Variants in PACS1 observed in about 807,000 individuals in gnomAD.
The protein encoded by PACS1 is PACS-1.
Under a neutral mutation model 115.0 loss-of-function variants are expected in PACS1, and 24 were observed. The observed-to-expected ratio is 0.21, with a 90% CI of 0.15 to 0.29. The LOEUF is 0.29. PACS1 is among the 10% of genes least tolerant of loss of function. The probability of loss-of-function intolerance (pLI) is 1.00; values close to 1 mark genes in which losing one functional copy is unlikely to be tolerated. For synonymous variants in PACS1, 453 were observed against 504.5 expected (o/e 0.90, Z 1.37); for missense variants, 838 against 1,251.2 (o/e 0.67, Z 4.98).
chr11:66,227,204 G>A (rs777668885), intron 10 of PACS1, among the ~76,000 whole-genome samples: 3 of 152,168 alleles, frequency 2.0e-5, no homozygotes, highest in Non-Finnish European at 4.4e-5. Context: ...CTTCATGGAT[G>A]CAATAGCAAA....
At chr11:66,184,721 G>A (rs941064538) in intron 1 of PACS1, among the ~76,000 whole-genome samples, 2 of 152,158 alleles carry the variant, frequency 1.3e-5, no homozygotes, top group Non-Finnish European at 2.9e-5. Flanking sequence ...GCACTGTCAC[G>A]TTTGTTGGTT....
intron 2 of PACS1, among the ~76,000 whole-genome samples, chr11:66,195,670 A>C (rs1196337302): frequency 1.3e-5 from 2 of 152,168 alleles, no homozygotes; most frequent in African/African-American, 4.8e-5. Flanking sequence ...AGCAGCTGAA[A>C]GTAATTACAG....
intron 1 of PACS1, among the ~76,000 whole-genome samples, chr11:66,162,872 T>C (rs1859524302): frequency 6.6e-6 from 1 of 152,232 alleles, no homozygotes; most frequent in Non-Finnish European, 1.5e-5. Flanking sequence ...AAGTCAAAGA[T>C]ACCATTTTAG....
chr11:66,202,842 G>T (rs1854847491), intron 2 of PACS1, among the ~76,000 whole-genome samples: 1 of 141,792 alleles, frequency 7.1e-6, no homozygotes, highest in Admixed American at 7.2e-5. Flanking sequence ...TCAAAAAATG[G>T]GTATAAAAGA....
Position 66,235,636 on chromosome 11 carries a change from G to A in PACS1, c.2207+233G>A. The A allele has an allele frequency of 1.7e-6, 1 of 604,958 alleles. No homozygotes were observed. The highest frequency in any genetic ancestry group is 3.0e-6 in the Non-Finnish European group (1 of 338,646). The allele number at this position is 604,958 out of a possible 1,614,324, so 37.5% of individuals were successfully genotyped here. On this transcript the variant is annotated intron_variant, in intron 18 of 23. Transcript: ENST00000320580. This position sits in a 1 kb window ranked among gnomAD's most constrained non-coding sequence, Gnocchi z 5.6. ...TTCCTTTCCTGCCCTTCAGTATAAA[G>A]CAGCCCATCCTCATAGCTGGAACTC...
At chr11:66,161,717 C>T (rs1859490805) in intron 1 of PACS1, among the ~76,000 whole-genome samples, 1 of 152,216 alleles carries the variant, frequency 6.6e-6, no homozygotes, top group Admixed American at 6.5e-5. Context: ...CTTTAAATCT[C>T]AGCCAGAAAA....
intron 2 of PACS1, 101 bp downstream of exon 2, chr11:66,193,674 C>T (rs1053748924): frequency 1.3e-6 from 1 of 758,688 alleles, no homozygotes; most frequent in African/African-American, 1.7e-5. Context: ...CCTCTGTCTT[C>T]CTCCTCTCAG....
At chr11:66,168,515 C>T (rs908989627) in intron 1 of PACS1, among the ~76,000 whole-genome samples, 2 of 150,408 alleles carry the variant, frequency 1.3e-5, no homozygotes, top group African/African-American at 2.5e-5. Context: ...TAGCTGCTTA[C>T]GGTGTCATCT....
chr11:66,202,555 A>G (rs562376410), intron 2 of PACS1, among the ~76,000 whole-genome samples: 1 of 151,762 alleles, frequency 6.6e-6, no homozygotes, highest in East Asian at 1.9e-4. Context: ...GATACATCAT[A>G]TCAACAGAAT....
At chr11:66,084,346 G>A (rs949177988) in intron 1 of PACS1, 32 of 152,464 alleles carry the variant, frequency 2.1e-4, no homozygotes, top group African/African-American at 6.5e-4. Context: ...ATTAAAGAGA[G>A]AGTAATGGAT....
chr11:66,125,754 G>C (rs1347550169), intron 1 of PACS1, among the ~76,000 whole-genome samples: 1 of 152,002 alleles, frequency 6.6e-6, no homozygotes, highest in African/African-American at 2.4e-5. Flanking sequence ...AAAATATCTG[G>C]GCAGGCCGGG....
intron 1 of PACS1, among the ~76,000 whole-genome samples, chr11:66,168,958 T>C (rs1223774856): frequency 6.6e-6 from 1 of 150,480 alleles, no homozygotes; most frequent in Non-Finnish European, 1.5e-5. Context: ...CTGCAGATAA[T>C]GGCTTTTGTT....
Position 66,235,513 on chromosome 11 carries a change from T to C in PACS1, c.2207+110T>C, listed in dbSNP as rs1855688885. 3.7e-6 allele frequency: 3 copies of C among 805,782 alleles called. No homozygotes were observed. The highest frequency in any genetic ancestry group is 5.3e-5 in the East Asian group (2 of 37,922). The allele number at this position is 805,782 out of a possible 1,614,324, so 49.9% of individuals were successfully genotyped here. On this transcript the variant is annotated intron_variant, in intron 18 of 23. Coordinates refer to ENST00000320580, the MANE Select transcript of PACS1 (RefSeq NM_018026.4). This position sits in a 1 kb window ranked among gnomAD's most constrained non-coding sequence, Gnocchi z 5.6. ...CTTCTCCACATGCTATATTCCTTCA[T>C]AGGAACCCAAAAGGATATGAGTGGT...
rs185942435 is a variant in PACS1, at chr11:66,183,357, C to T, written c.357-10129C>T. Among the ~76,000 whole-genome samples the T allele has an allele frequency of 6.6e-5, 10 of 152,308 alleles. 1 individual carries two copies. Among genetic ancestry groups the T allele is most frequent in the Admixed American group, 6.5e-4 (10 of 15,304 alleles). ...ACAATTTTAGAAATGTTTTTACTCTCACAAAGGAAAACCTTTTTCACAATT... is the reference window on the plus strand; with the variant it reads ...ACAATTTTAGAAATGTTTTTACTCTTACAAAGGAAAACCTTTTTCACAATT... On this transcript the variant is annotated intron_variant, in intron 1 of 23. Transcript: ENST00000320580.
At chr11:66,187,258 G>A (rs1470540414) in intron 1 of PACS1, among the ~76,000 whole-genome samples, 1 of 152,116 alleles carries the variant, frequency 6.6e-6, no homozygotes, top group African/African-American at 2.4e-5. Flanking sequence ...TGCAATGTAT[G>A]ATGAACAGAA....
chr11:66,125,550 G>A (rs938580326), intron 1 of PACS1, among the ~76,000 whole-genome samples: 1 of 152,096 alleles, frequency 6.6e-6, no homozygotes, highest in African/African-American at 2.4e-5. Context: ...CAGGGTCAGA[G>A]AGCTAAGTCA....
rs935093545 is a variant in PACS1, at chr11:66,216,048, T to C, written c.661-71T>C. On this transcript the variant is annotated intron_variant, in intron 4 of 23. Transcript: ENST00000320580. Reference sequence around the variant, plus strand: ...GAATGCTGTTGCCCCTGGGGTCTTGTGCATTCCTTGGCTGTGTTTCTCCAG... The same window carrying C: ...GAATGCTGTTGCCCCTGGGGTCTTGCGCATTCCTTGGCTGTGTTTCTCCAG... 9 of 1,497,654 alleles carry C rather than the reference T, an allele frequency of 6.0e-6. No homozygotes were observed. The African/African-American group carries it at 1.1e-4, about 18-fold the overall frequency. 92.8% of individuals were successfully genotyped at this position (1,497,654 alleles called of 1,614,324 possible). A position where few individuals can be genotyped will look rare whatever the true frequency, so the allele number is the denominator to read the frequency against.
intron 1 of PACS1, among the ~76,000 whole-genome samples, chr11:66,098,394 C>T (rs922018536): frequency 6.6e-6 from 1 of 152,052 alleles, no homozygotes; most frequent in East Asian, 1.9e-4. Flanking sequence ...TCACCTCATG[C>T]AGATTTCCAA....
intron 1 of PACS1, among the ~76,000 whole-genome samples, chr11:66,192,575 G>C (rs1031187148): frequency 6.6e-6 from 1 of 152,200 alleles, no homozygotes; most frequent in Non-Finnish European, 1.5e-5. Flanking sequence ...GCCTCAGCAC[G>C]GAGGAAAAAA....
Sources: gnomAD v4.1 joint callset for allele counts (sites outside exome capture counted in the v4.1 genomes callset) on GRCh38, gnomAD v4.1.1 for gene constraint, Gnocchi (gnomAD v3.1) non-coding constraint, MANE v1.5 for transcripts, NCBI Gene and HGNC (gene_info 2026-07-23, HGNC 2026-07-21) for gene names.